SYNE2: variants seen among roughly 807,000 people sequenced by gnomAD.
The protein encoded by SYNE2 is spectrin repeat containing nuclear envelope protein 2.
In SYNE2, 431 loss-of-function variants were observed where a neutral mutation model predicts 856.3. That is an observed-to-expected ratio of 0.50 (90% CI 0.47 to 0.55). SYNE2 has a LOEUF of 0.55. Among genes scored for constraint, SYNE2 ranks in the 20% least tolerant of loss-of-function variants. The pLI is 0.00. For missense variants in SYNE2, 8,129 were observed against 8,023.2 expected, an observed-to-expected ratio of 1.01 and a Z score of -0.50; for synonymous variants, 2,923 against 2,872.3, an observed-to-expected ratio of 1.02 and a Z score of -0.56.
chr14:64,208,767 C>G lies in SYNE2; in HGVS notation c.18211C>G (p.Arg6071Gly), dbSNP rs779125094. 1.2e-6 allele frequency: 2 copies of G among 1,614,060 alleles called. No individual in the cohort carries two copies. Among genetic ancestry groups the G allele is most frequent in the Admixed American group, 1.7e-5 (1 of 60,008 alleles). Residue 6071 changes from arginine to glycine, a missense_variant, in exon 101 of 116, where the codon CGA becomes GGA. Around this residue, in one of 3 missense-constraint regions of SYNE2, gnomAD observed 5,410 missense variants for 5,284.8 expected, o/e 1.02. Coordinates refer to ENST00000555002, the MANE Select transcript of SYNE2 (RefSeq NM_182914.3). ...TCTGTTGTAATCACAGGATCTACAG[C>G]GAGATATTGAACAACACAGCGCAGG... ...KRLAEQQDLQ[R>G]DIEQHSAGVE...
At chr14:64,102,863 C>T (rs1367914176) in intron 64 of SYNE2, among the ~76,000 whole-genome samples, 1 of 152,030 alleles carries the variant, frequency 6.6e-6, no homozygotes, top group African/African-American at 2.4e-5. Flanking sequence ...CTATGCAGTC[C>T]ATATTTTTTA....
intron 1 of SYNE2, among the ~76,000 whole-genome samples, chr14:63,871,354 G>T (rs1896790332): frequency 1.3e-5 from 2 of 151,804 alleles, no homozygotes; most frequent in South Asian, 4.2e-4. Context: ...TACAAGCATG[G>T]GCTGCCATGC....
chr14:64,207,671 C>T (rs2098613733), intron 100 of SYNE2, among the ~76,000 whole-genome samples: 1 of 151,782 alleles, frequency 6.6e-6, no homozygotes, highest in South Asian at 2.1e-4. Context: ...TAGATGGTGA[C>T]AGCTACCATT....
chr14:63,807,834 TATATATATATATATATATATA>T (rs1168142075), intron 1 of SYNE2, among the ~76,000 whole-genome samples: 1 of 74,890 alleles, frequency 1.3e-5, no homozygotes, highest in Non-Finnish European at 2.5e-5. Flanking sequence ...TATATATATA[TATATATATATATATATATATA>T]TATATATATA....
chr14:64,069,181 A>G (rs1437246570), intron 51 of SYNE2, among the ~76,000 whole-genome samples: 2 of 152,188 alleles, frequency 1.3e-5, no homozygotes, highest in East Asian at 3.9e-4. Flanking sequence ...TTACAGACAC[A>G]GTTTTTTCAA....
At chr14:63,933,466 G>A (rs2095791711) in intron 2 of SYNE2, among the ~76,000 whole-genome samples, 1 of 152,178 alleles carries the variant, frequency 6.6e-6, no homozygotes, top group South Asian at 2.1e-4. Flanking sequence ...AAAGCAGACT[G>A]AATCAGAACA....
At chr14:64,134,002 A>G (rs2153683885) in intron 77 of SYNE2, 67 bp from the exon 78 acceptor site, 1 of 1,581,810 alleles carries the variant, frequency 6.3e-7, no homozygotes, top group South Asian at 1.1e-5. Flanking sequence ...TTTGTGATTA[A>G]TTATGTTGTT....
chr14:63,922,762 G>A (rs914533235), intron 2 of SYNE2, among the ~76,000 whole-genome samples: 11 of 152,118 alleles, frequency 7.2e-5, no homozygotes, highest in Admixed American at 5.9e-4. Context: ...TAAATTGTCC[G>A]ATCTATTTAG....
At chr14:64,063,313 G>A (rs1595240821) in intron 50 of SYNE2, among the ~76,000 whole-genome samples, 1 of 152,198 alleles carries the variant, frequency 6.6e-6, no homozygotes, top group East Asian at 1.9e-4. Context: ...CTTTCAAAGT[G>A]CTGGGATTAT....
intron 111 of SYNE2, 75 bp from the exon 112 acceptor site, chr14:64,221,501 A>G: frequency 6.2e-7 from 1 of 1,614,042 alleles, no homozygotes; most frequent in Non-Finnish European, 8.5e-7. Flanking sequence ...GATTGGAAGC[A>G]GTAAGCCATG....
chr14:63,986,980 G>A lies in SYNE2; in HGVS notation c.2313+363G>A, dbSNP rs142828596. Among the ~76,000 whole-genome samples, 196 of 152,218 alleles carry A rather than the reference G, an allele frequency of 1.3e-3. 3 individuals are homozygous for A. Among genetic ancestry groups the A allele is most frequent in the Admixed American group, 0.011 (175 of 15,280 alleles). The stretch of plus-strand genomic sequence containing the variant: ...AAGAGATAATATAATCAGGCTGGGC[G>A]CGGTGGCTCACACCTGCAATCCCAG... On this transcript the variant is annotated intron_variant, in intron 19 of 115. Coordinates refer to ENST00000555002, the MANE Select transcript of SYNE2 (RefSeq NM_182914.3).
At chr14:64,070,573 T>G in intron 51 of SYNE2, 72 bp from the exon 52 acceptor site, 1 of 1,349,876 alleles carries the variant, frequency 7.4e-7, no homozygotes, top group Non-Finnish European at 1.0e-6. Context: ...ATACAAAAAT[T>G]ATGTCTACTT....
At chr14:63,982,579 G>T in intron 16 of SYNE2, 51 bp from the exon 17 acceptor site, 514 of 1,255,610 alleles carry the variant, frequency 4.1e-4, no homozygotes, top group Non-Finnish European at 5.4e-4. Flanking sequence ...ATACATAATA[G>T]AAAGACAATA....
intron 1 of SYNE2, among the ~76,000 whole-genome samples, chr14:63,868,756 G>T (rs1828307030): frequency 6.6e-6 from 1 of 152,082 alleles, no homozygotes; most frequent in Non-Finnish European, 1.5e-5. Flanking sequence ...GTGTGCTGGG[G>T]TTTTTGTAAT....
intron 79 of SYNE2, among the ~76,000 whole-genome samples, chr14:64,138,202 T>C (rs1437962844): frequency 8.6e-6 from 1 of 116,050 alleles, no homozygotes; most frequent in Non-Finnish European, 2.0e-5. Flanking sequence ...GTGATCGTTT[T>C]TTCTTTTCTT....
chr14:63,967,920 T>G, intron 11 of SYNE2, 74 bp downstream of exon 11: 1 of 1,512,750 alleles, frequency 6.6e-7, no homozygotes, highest in Non-Finnish European at 9.1e-7. Flanking sequence ...CCCAGCACTT[T>G]GGGAGACCAA....
Position 64,225,764 on chromosome 14 carries a change from G to C in SYNE2, c.*238G>C, listed in dbSNP as rs1319697106. ...CCCGGGTATTTTGGCAGAACTAGTT[G>C]ATTAGTTTAGGGATCTCTGGAAATG... On this transcript the variant is annotated 3_prime_UTR_variant, in exon 116 of 116. Coordinates refer to ENST00000555002, the MANE Select transcript of SYNE2 (RefSeq NM_182914.3). The C allele has an allele frequency of 1.7e-6, 1 of 602,550 alleles. No homozygotes were observed. Among genetic ancestry groups the C allele is most frequent in the East Asian group, 2.8e-5 (1 of 36,254 alleles). The allele number at this position is 602,550 out of a possible 1,614,324, so 37.3% of individuals were successfully genotyped here.
At chr14:64,024,557 A>T (rs757064277) in intron 39 of SYNE2, 98 bp downstream of exon 39, 3 of 1,148,060 alleles carry the variant, frequency 2.6e-6, no homozygotes, top group Non-Finnish European at 3.8e-6. Context: ...CGCAGTACAC[A>T]CAAATTTCAC....
At chr14:63,943,781 C>T (rs1255855) in intron 6 of SYNE2, among the ~76,000 whole-genome samples, 67,995 of 151,418 alleles carry the variant, frequency 0.45, 17,258 homozygotes, top group South Asian at 0.56. Context: ...AGAGGTTCTC[C>T]TGCCTCAGCC....
Sources: allele counts gnomAD v4.1 joint callset (sites outside exome capture counted in the v4.1 genomes callset), GRCh38; gene constraint gnomAD v4.1.1; regional missense constraint gnomAD v4.1.1; transcripts MANE v1.5; gene names NCBI Gene and HGNC (gene_info 2026-07-23, HGNC 2026-07-21).